BBOX1: variants seen among roughly 807,000 people sequenced by gnomAD.
BBOX1 encodes gamma-butyrobetaine dioxygenase.
A neutral mutation model predicts 41.6 loss-of-function variants in BBOX1; 35 were observed. That is an observed-to-expected ratio of 0.84 (90% confidence interval 0.64 to 1.11). The LOEUF is 1.11. BBOX1 is among the 50% of genes most tolerant of loss of function. The pLI is 0.00. For missense variants in BBOX1, 458 were observed against 460.6 expected, an observed-to-expected ratio of 0.99 and a Z score of 0.05; for synonymous variants, 163 against 154.7, an observed-to-expected ratio of 1.05 and a Z score of -0.40.
chr11:27,099,344 T>C (rs189466539), intron 5 of BBOX1, among the ~76,000 whole-genome samples: 112 of 151,782 alleles, frequency 7.4e-4, no homozygotes, highest in Non-Finnish European at 1.3e-3. Flanking sequence ...GTAAGAATAA[T>C]GGGGTAAAAC....
chr11:27,120,005 GTTTTTA>G (rs145804779), intron 7 of BBOX1, among the ~76,000 whole-genome samples, 160 bp downstream of exon 7: 5,064 of 152,066 alleles, frequency 0.033, 126 homozygotes, highest in South Asian at 0.11. Context: ...CACCATAAAA[GTTTTTA>G]TTAAATTACA....
Position 27,093,177 on chromosome 11 carries a change from A to G in BBOX1, c.344A>G (p.Tyr115Cys). ...QRELFFPECQYWGSELQLPTL... is the reference protein window; with the variant it reads ...QRELFFPECQCWGSELQLPTL... ...TTTTATCAATTCACAGAATGCCAAT[A>G]CTGGGGCTCAGAGCTCCAGCTACCC... The change falls in exon 5 of 9, where the codon TAC becomes TGC. Residue 115 changes from tyrosine (Y) to cysteine (C), a missense_variant. Tyr to Cys is a radical substitution (Grantham distance 194, BLOSUM62 -2). Transcript: ENST00000263182. 1 of 1,612,006 alleles carries G rather than the reference A, an allele frequency of 6.2e-7. No individual in the cohort carries two copies. The highest frequency in any genetic ancestry group is 1.1e-5 in the South Asian group (1 of 91,018).
At chr11:27,048,231 T>A (rs933153600) in intron 2 of BBOX1, among the ~76,000 whole-genome samples, 3 of 152,108 alleles carry the variant, frequency 2.0e-5, no homozygotes, top group African/African-American at 7.2e-5. Context: ...CCTGAATAAG[T>A]AGTATGCTTT....
chr11:27,104,643 G>A (rs1441930018), intron 5 of BBOX1, among the ~76,000 whole-genome samples: 1 of 152,074 alleles, frequency 6.6e-6, no homozygotes, highest in African/African-American at 2.4e-5. Flanking sequence ...GTTTGTGTTT[G>A]GGGTACTAAT....
At chr11:27,069,161 G>T (rs940096913) in intron 4 of BBOX1, among the ~76,000 whole-genome samples, 1 of 151,830 alleles carries the variant, frequency 6.6e-6, no homozygotes, top group Non-Finnish European at 1.5e-5. Context: ...TCTGTAGATT[G>T]CTTTGGGCAA....
chr11:27,043,901 C>T (rs886674128), intron 2 of BBOX1, among the ~76,000 whole-genome samples: 4 of 152,180 alleles, frequency 2.6e-5, no homozygotes, highest in African/African-American at 9.7e-5. Context: ...CTGTAATAAA[C>T]ATACATGTGC....
At chr11:27,074,396 G>A (rs1261571972) in intron 4 of BBOX1, among the ~76,000 whole-genome samples, 1 of 152,048 alleles carries the variant, frequency 6.6e-6, no homozygotes, top group East Asian at 2.0e-4. Flanking sequence ...CTCAGGAGAA[G>A]ACAGGAAGAT....
intron 7 of BBOX1, among the ~76,000 whole-genome samples, chr11:27,123,422 G>A (rs181640506): frequency 6.6e-6 from 1 of 152,100 alleles, no homozygotes; most frequent in East Asian, 1.9e-4. Flanking sequence ...AAGGAGCTAT[G>A]GTAATAGTGG....
chr11:27,119,080 A>G (rs1316831237), intron 6 of BBOX1, among the ~76,000 whole-genome samples: 1 of 151,992 alleles, frequency 6.6e-6, no homozygotes, highest in Admixed American at 6.6e-5. Context: ...ACTCTCCATC[A>G]TGAGGCCTCA....
intron 5 of BBOX1, among the ~76,000 whole-genome samples, chr11:27,103,050 C>T (rs143739151): frequency 0.033 from 4,996 of 152,014 alleles, 124 homozygotes; most frequent in South Asian, 0.11. Flanking sequence ...AATAGCTGAG[C>T]CTGATGGTGG....
chr11:27,125,719 A>G lies in BBOX1; in HGVS notation c.902A>G (p.Asp301Gly). The G allele has an allele frequency of 1.2e-6, 2 of 1,612,318 alleles. No homozygotes were observed. The highest frequency in any genetic ancestry group is 1.7e-4 in the Middle Eastern group (1 of 6,060). Residue 301 changes from aspartate (D) to glycine (G), a missense_variant, in exon 8 of 9, where the codon GAT becomes GGT. Asp to Gly is a moderately conservative substitution (Grantham distance 94). Transcript: ENST00000263182. ...AACGCAACTAGGGACACAATATTTG[A>G]TGTGCCTGTTGAAAGAGTTCAGCCT... ...FNNATRDTIF[D>G]VPVERVQPFY...
chr11:27,057,151 A>G, intron 3 of BBOX1, 50 bp from the exon 4 acceptor site: 4 of 1,263,918 alleles, frequency 3.2e-6, no homozygotes, highest in Non-Finnish European at 4.4e-6. Context: ...GCAATAGTGG[A>G]GAACGGAAAT....
At chr11:27,115,820 C>CA (rs1460797869) in intron 6 of BBOX1, among the ~76,000 whole-genome samples, 1 of 151,884 alleles carries the variant, frequency 6.6e-6, no homozygotes, top group Non-Finnish European at 1.5e-5. Context: ...TTACTATTAG[C>CA]ATTTTTTGCT....
chr11:27,043,993 G>A (rs1851421256), intron 2 of BBOX1, among the ~76,000 whole-genome samples: 1 of 152,106 alleles, frequency 6.6e-6, no homozygotes, highest in South Asian at 2.1e-4. Context: ...GGTATTCCTG[G>A]TTCTAGATCC....
intron 5 of BBOX1, among the ~76,000 whole-genome samples, chr11:27,096,530 T>C (rs1858443882): frequency 1.3e-5 from 2 of 152,034 alleles, no homozygotes. Flanking sequence ...AATAATAGCT[T>C]GCTGATGGTG....
chr11:27,056,626 T>C (rs1167009045), intron 3 of BBOX1, among the ~76,000 whole-genome samples: 6 of 152,086 alleles, frequency 3.9e-5, no homozygotes, highest in Non-Finnish European at 8.8e-5. Flanking sequence ...TCACAGAAAG[T>C]TTGGGGATCC....
chr11:27,092,685 G>A (rs1367882653), intron 4 of BBOX1, among the ~76,000 whole-genome samples: 1 of 151,908 alleles, frequency 6.6e-6, no homozygotes, highest in Non-Finnish European at 1.5e-5. Context: ...TGAAATAAGA[G>A]GAAAGAAGAG....
chr11:27,046,519 C>T (rs1851493317), intron 2 of BBOX1, among the ~76,000 whole-genome samples: 1 of 151,720 alleles, frequency 6.6e-6, no homozygotes, highest in Non-Finnish European at 1.5e-5. Flanking sequence ...AAGAATATGC[C>T]AAAAATCCAA....
intron 4 of BBOX1, among the ~76,000 whole-genome samples, chr11:27,088,169 G>A (rs535928846): frequency 6.6e-6 from 1 of 151,990 alleles, no homozygotes; most frequent in Non-Finnish European, 1.5e-5. Flanking sequence ...AGTATGTAGT[G>A]TGTGCCCTAA....
Sources: allele counts gnomAD v4.1 joint callset (sites outside exome capture counted in the v4.1 genomes callset), GRCh38; gene constraint gnomAD v4.1.1; transcripts MANE v1.5; gene names NCBI Gene and HGNC (gene_info 2026-07-23, HGNC 2026-07-21).